The following NOVA1 variants were observed in gnomAD, a reference collection of about 807,000 sequenced individuals.
The protein encoded by NOVA1 is RNA-binding protein Nova-1.
Under a neutral mutation model 38.0 loss-of-function variants are expected in NOVA1, and 7 were observed. That is an observed-to-expected ratio of 0.18 (90% CI 0.10 to 0.35). The LOEUF (loss-of-function observed/expected upper bound fraction) is 0.35, where lower values mean the gene tolerates loss of function less well. Among genes scored for constraint, NOVA1 ranks in the 10% least tolerant of loss-of-function variants. The pLI is 1.00. For synonymous variants in NOVA1, 270 were observed against 232.5 expected (o/e 1.16, Z -1.47); for missense variants, 460 against 616.0 (o/e 0.75, Z 2.68).
Position 26,597,893 on chromosome 14 carries a change from A to T in NOVA1, c.-457T>A, listed in dbSNP as rs1894311869. ...AAGAGTGAATGAGCAGGAGGAGGGG[A>T]AGGAGGTGGATGCCGAGAGAGGAGC... On this transcript the variant is annotated 5_prime_UTR_variant, in exon 1 of 5. Transcript: ENST00000539517. The T allele has an allele frequency of 6.7e-6, 1 of 148,176 alleles. No homozygotes were observed. Among genetic ancestry groups the T allele is most frequent in the Non-Finnish European group, 1.5e-5 (1 of 68,472 alleles). 9.2% of individuals were successfully genotyped at this position (148,176 alleles called of 1,614,324 possible). A position where few individuals can be genotyped will look rare whatever the true frequency, so the allele number is the denominator to read the frequency against.
chr14:26,539,851 A>G (rs1419563791), intron 2 of NOVA1, among the ~76,000 whole-genome samples: 1 of 147,342 alleles, frequency 6.8e-6, no homozygotes, highest in Non-Finnish European at 1.5e-5. Context: ...TTCAAAGACT[A>G]TAATAATAAG....
In NOVA1 at chr14:26,548,982, G is replaced by A. The variant is rs1431323117; in HGVS notation, c.280+46428C>T. Among the ~76,000 whole-genome samples, 12 of 152,114 alleles carry A rather than the reference G, an allele frequency of 7.9e-5. No individual in the cohort carries two copies. The East Asian group carries it at 2.1e-3, about 27-fold the overall frequency. On this transcript the variant is annotated intron_variant, in intron 2 of 4. Coordinates refer to ENST00000539517, the MANE Select transcript of NOVA1 (RefSeq NM_002515.3). ...GAAAAAAGAAAAAAACTAGCCAGTTGTGGTAGCGCATGCCTGTAGTGCCAG... is the reference window on the plus strand; with the variant it reads ...GAAAAAAGAAAAAAACTAGCCAGTTATGGTAGCGCATGCCTGTAGTGCCAG...
At chr14:26,479,573 A>G (rs61990567) in intron 3 of NOVA1, 35,358 of 175,896 alleles carry the variant, frequency 0.2, 3,822 homozygotes, top group East Asian at 0.31. Flanking sequence ...TCTATGCATA[A>G]TAACTATCCT....
intron 4 of NOVA1, among the ~76,000 whole-genome samples, chr14:26,462,844 T>C (rs927663503): frequency 2.6e-5 from 4 of 152,190 alleles, no homozygotes; most frequent in East Asian, 1.9e-4. Context: ...CCTTAAAACA[T>C]TGCATATACC....
intron 2 of NOVA1, among the ~76,000 whole-genome samples, chr14:26,563,775 T>C (rs904952267): frequency 1.3e-5 from 2 of 152,064 alleles, no homozygotes; most frequent in Non-Finnish European, 2.9e-5. Context: ...ATTCAGGAAA[T>C]AGAGGATCTA....
Position 26,448,658 on chromosome 14 carries a change from A to G in NOVA1, c.825T>C (p.Thr275=), listed in dbSNP as rs761065586. 2 of 1,614,186 alleles carry G rather than the reference A, an allele frequency of 1.2e-6. No individual in the cohort carries two copies. The highest frequency in any genetic ancestry group is 1.7e-6 in the Non-Finnish European group (2 of 1,180,028). The change falls in exon 5 of 5, where the codon ACT becomes ACC. Residue 275 remains threonine, a synonymous_variant. Transcript: ENST00000539517. The surrounding 1 kb of genome is among the most constrained non-coding windows in gnomAD (Gnocchi z 5.3). ...CTGCAGCAGTTGGTAACACTTCAGC[A>G]GTGTTTGCATAAGGAGATCCGGTTG... ...SNPTGSPYAN[T]AEVLPTAAAA...
At chr14:26,597,251 G>T (rs1162786808) in intron 1 of NOVA1, 50 bp downstream of exon 1, 1 of 1,217,060 alleles carries the variant, frequency 8.2e-7, no homozygotes, top group Non-Finnish European at 1.0e-6. Flanking sequence ...AGGGAGGCAG[G>T]GGCGGGCGGC....
chr14:26,555,394 T>C (rs149975743), intron 2 of NOVA1, among the ~76,000 whole-genome samples: 1,873 of 152,248 alleles, frequency 0.012, 38 homozygotes, highest in African/African-American at 0.04. Context: ...TCCTATTACA[T>C]TGATGTTTAT....
At chr14:26,511,129 ATTG>A in intron 2 of NOVA1, among the ~76,000 whole-genome samples, 1 of 152,284 alleles carries the variant, frequency 6.6e-6, no homozygotes, top group Non-Finnish European at 1.5e-5. Flanking sequence ...GATGATCGAT[ATTG>A]TTGAATAATT....
chr14:26,578,451 A>C (rs1325751404), intron 2 of NOVA1, among the ~76,000 whole-genome samples: 1 of 152,168 alleles, frequency 6.6e-6, no homozygotes, highest in Non-Finnish European at 1.5e-5. Context: ...GTGGAGAAAG[A>C]ATTGCTAAAT....
At chr14:26,507,246 C>T (rs1244399764) in intron 2 of NOVA1, among the ~76,000 whole-genome samples, 1 of 150,562 alleles carries the variant, frequency 6.6e-6, no homozygotes, top group Non-Finnish European at 1.5e-5. Context: ...CTAAAGCATA[C>T]TGCAGTGTAA....
chr14:26,465,253 G>A (rs1594343136), intron 4 of NOVA1, among the ~76,000 whole-genome samples: 1 of 151,862 alleles, frequency 6.6e-6, no homozygotes, highest in African/African-American at 2.4e-5. Context: ...CAGCTCACTG[G>A]AACCTCCGCC....
intron 2 of NOVA1, among the ~76,000 whole-genome samples, chr14:26,527,749 C>T (rs1437386459): frequency 1.3e-5 from 2 of 152,170 alleles, no homozygotes; most frequent in Non-Finnish European, 2.9e-5. Flanking sequence ...AGAGGCCATA[C>T]TATTCAAAGA....
intron 2 of NOVA1, among the ~76,000 whole-genome samples, chr14:26,481,988 T>TAAAAAAAAAAAAAAAAAAAAAAAAA (rs372806170): frequency 6.6e-5 from 7 of 105,986 alleles, no homozygotes; most frequent in African/African-American, 2.5e-4. Context: ...TAGATAGAGA[T>TAAAAAAAAAAAAAAAAAAAAAAAAA]AAAAAAAAAA....
intron 2 of NOVA1, among the ~76,000 whole-genome samples, chr14:26,485,697 T>C (rs1331247008): frequency 6.6e-6 from 1 of 152,156 alleles, no homozygotes; most frequent in Non-Finnish European, 1.5e-5. Context: ...TCATCTATAA[T>C]GAAAATTAGT....
chr14:26,450,091 G>T (rs1482080416), intron 4 of NOVA1, among the ~76,000 whole-genome samples: 1 of 152,082 alleles, frequency 6.6e-6, no homozygotes, highest in Non-Finnish European at 1.5e-5. Context: ...TACTGACAAA[G>T]CACTGAAGTA....
intron 2 of NOVA1, among the ~76,000 whole-genome samples, chr14:26,570,427 A>C (rs1892398856): frequency 6.6e-6 from 1 of 152,086 alleles, no homozygotes; most frequent in South Asian, 2.1e-4. Flanking sequence ...ATCCATCCTC[A>C]ACTGCTGTGG....
rs1415613521 is a variant in NOVA1, at chr14:26,443,829, C to G, written c.*4130G>C. On this transcript the variant is annotated 3_prime_UTR_variant, in exon 5 of 5. Coordinates refer to ENST00000539517, the MANE Select transcript of NOVA1 (RefSeq NM_002515.3). ...ATTAAATTTATGACTGTATTGCACT[C>G]AAAATTATTGTGTATAGCCATGCTT... is the stretch of plus-strand genomic sequence containing the variant. 1.3e-5 allele frequency: 2 copies of G among 151,828 alleles called. No individual in the cohort carries two copies. The highest frequency in any genetic ancestry group is 2.9e-5 in the Non-Finnish European group (2 of 67,916). The allele number at this position is 151,828 out of a possible 1,614,324, so 9.4% of individuals were successfully genotyped here. A position where few individuals can be genotyped will look rare whatever the true frequency, so the allele number is the denominator to read the frequency against.
At chr14:26,499,261 C>A (rs962818492) in intron 2 of NOVA1, among the ~76,000 whole-genome samples, 3 of 151,996 alleles carry the variant, frequency 2.0e-5, no homozygotes, top group Non-Finnish European at 4.4e-5. Flanking sequence ...GTTTAAAAAC[C>A]TTTATATATG....
Sources: allele counts gnomAD v4.1 joint callset (sites outside exome capture counted in the v4.1 genomes callset), GRCh38; gene constraint gnomAD v4.1.1; non-coding constraint Gnocchi (gnomAD v3.1); transcripts MANE v1.5; gene names NCBI Gene and HGNC (gene_info 2026-07-23, HGNC 2026-07-21).